FAM117B: variants seen among roughly 807,000 people sequenced by gnomAD.
FAM117B encodes family with sequence similarity 117 member B, also known as protein FAM117B.
In FAM117B, 22 loss-of-function variants were observed where a neutral mutation model predicts 52.8. The ratio of observed to expected loss-of-function variants is 0.42; its 90% CI spans 0.30 to 0.59. The LOEUF (loss-of-function observed/expected upper bound fraction) is 0.59. FAM117B is among the 20% of genes least tolerant of loss of function. The probability of loss-of-function intolerance (pLI) is 0.22; values close to 1 mark genes in which losing one functional copy is unlikely to be tolerated. For synonymous variants in FAM117B, 309 were observed against 324.1 expected (o/e 0.95, Z 0.50); for missense variants, 678 against 802.6 (o/e 0.84, Z 1.88).
At chr2:202,655,759 A>AGT (rs1690046459) in intron 1 of FAM117B, among the ~76,000 whole-genome samples, 2 of 122,120 alleles carry the variant, frequency 1.6e-5, no homozygotes, top group Admixed American at 8.7e-5. Flanking sequence ...AGAGAGAGAG[A>AGT]GAGTGTGTGT....
At chr2:202,729,754 A>G (rs1438311124) in intron 4 of FAM117B, among the ~76,000 whole-genome samples, 2 of 152,204 alleles carry the variant, frequency 1.3e-5, no homozygotes, top group African/African-American at 2.4e-5. Context: ...GGAAAAAGTC[A>G]TGTCCCCAGA....
intron 4 of FAM117B, among the ~76,000 whole-genome samples, chr2:202,751,084 T>C (rs1053938038): frequency 6.6e-6 from 1 of 152,202 alleles, no homozygotes; most frequent in Non-Finnish European, 1.5e-5. Context: ...TCAAAAAATA[T>C]AAGGGCTAAA....
intron 1 of FAM117B, among the ~76,000 whole-genome samples, chr2:202,668,161 TATA>T (rs1322878013): frequency 1.4e-5 from 2 of 142,118 alleles, no homozygotes; most frequent in Non-Finnish European, 3.0e-5. Context: ...TATATAATTA[TATA>T]ATACATACAT....
At chr2:202,640,967 G>GT (rs1689761711) in intron 1 of FAM117B, among the ~76,000 whole-genome samples, 1 of 152,174 alleles carries the variant, frequency 6.6e-6, no homozygotes, top group African/African-American at 2.4e-5. Flanking sequence ...ATGAGACAAA[G>GT]TAGAAACTAT....
intron 4 of FAM117B, among the ~76,000 whole-genome samples, chr2:202,749,333 G>C (rs183638028): frequency 6.6e-6 from 1 of 151,976 alleles, no homozygotes; most frequent in East Asian, 1.9e-4. Context: ...TTGTTTAATA[G>C]AGCATTGATT....
Position 202,755,648 on chromosome 2 carries a change from T to A in FAM117B, c.1071T>A (p.Ile357=), listed in dbSNP as rs1691789712. The part of the protein sequence containing the change: ...EGLNQEIEII[I]KETGEKEEQL... ...TGAATCAGGAGATTGAAATAATAAT[T>A]AAAGAGACTGGGGAAAAGGAAGAGC... is the stretch of plus-strand genomic sequence containing the variant. The change falls in exon 5 of 8, where the codon ATT becomes ATA. Residue 357 remains isoleucine (I), a synonymous_variant. Transcript: ENST00000392238. 2.5e-6 allele frequency: 4 copies of A among 1,613,724 alleles called. No homozygotes were observed. In the South Asian group the frequency reaches 4.4e-5, roughly 18 times the overall value.
intron 1 of FAM117B, among the ~76,000 whole-genome samples, 196 bp downstream of exon 1, chr2:202,635,984 C>A (rs1689679915): frequency 6.7e-6 from 1 of 149,088 alleles, no homozygotes; most frequent in Non-Finnish European, 1.5e-5. Context: ...GCCCCGCCCG[C>A]CCGCCCGCCT....
chr2:202,646,049 TG>T lies in FAM117B; in HGVS notation c.601+10263del, dbSNP rs1453370967. Reference sequence around the variant, plus strand: ...GTTTTTTGTTTTTTTTTTTTTGAGATGGAGTCTTGCTCCGTTGCCCAGGCTG... The same window carrying T: ...GTTTTTTGTTTTTTTTTTTTTGAGATGAGTCTTGCTCCGTTGCCCAGGCTG... On this transcript the variant is annotated intron_variant, in intron 1 of 7. Transcript: ENST00000392238. Among the ~76,000 whole-genome samples, 3 of 132,116 alleles carry T rather than the reference TG, an allele frequency of 2.3e-5. No individual in the cohort carries two copies. In the East Asian group the frequency reaches 9.2e-4, roughly 40 times the overall value. 86.7% of individuals were successfully genotyped at this position (132,116 alleles called of 152,430 possible).
At chr2:202,647,578 A>C (rs1559093589) in intron 1 of FAM117B, among the ~76,000 whole-genome samples, 1 of 152,236 alleles carries the variant, frequency 6.6e-6, no homozygotes, top group Non-Finnish European at 1.5e-5. Flanking sequence ...TGAGAATTTG[A>C]AAACTACAGC....
chr2:202,728,519 G>C (rs1559111061), intron 4 of FAM117B, among the ~76,000 whole-genome samples: 1 of 152,182 alleles, frequency 6.6e-6, no homozygotes, highest in African/African-American at 2.4e-5. Flanking sequence ...AGAGGCTGAA[G>C]ACCCAGATGA....
At chr2:202,672,279 C>T (rs1690310201) in intron 1 of FAM117B, among the ~76,000 whole-genome samples, 1 of 152,222 alleles carries the variant, frequency 6.6e-6, no homozygotes, top group Admixed American at 6.5e-5. Flanking sequence ...GTGGCACGAT[C>T]CCGGCTCACT....
intron 2 of FAM117B, among the ~76,000 whole-genome samples, chr2:202,724,323 G>A (rs536297721): frequency 1.1e-3 from 169 of 152,238 alleles, no homozygotes; most frequent in Non-Finnish European, 2.0e-3. Context: ...GATTACAGGC[G>A]TGAGCCACCG....
At chr2:202,758,409 A>G (rs927277430) in intron 6 of FAM117B, among the ~76,000 whole-genome samples, 1 of 152,182 alleles carries the variant, frequency 6.6e-6, no homozygotes, top group African/African-American at 2.4e-5. Context: ...TACGTCAATA[A>G]CATGTAGAAA....
chr2:202,725,034 T>C, intron 3 of FAM117B, 25 bp downstream of exon 3: 2 of 1,561,128 alleles, frequency 1.3e-6, no homozygotes. Flanking sequence ...TCTAAGATAG[T>C]GGGTGTGGAA....
chr2:202,649,612 C>T (rs1043693075), intron 1 of FAM117B, among the ~76,000 whole-genome samples: 11 of 151,432 alleles, frequency 7.3e-5, no homozygotes, highest in South Asian at 2.1e-4. Context: ...AGTGCAATGG[C>T]GTGATCTCGG....
At chr2:202,664,082 A>G (rs1341414563) in intron 1 of FAM117B, among the ~76,000 whole-genome samples, 1 of 152,256 alleles carries the variant, frequency 6.6e-6, no homozygotes, top group Non-Finnish European at 1.5e-5. Context: ...AACTATTTTT[A>G]TATGCAAATA....
Position 202,724,904 on chromosome 2 carries a change from T to C in FAM117B, c.754-13T>C. 6.3e-7 allele frequency: 1 copy of C among 1,585,524 alleles called. No homozygotes were observed. Among genetic ancestry groups the C allele is most frequent in the Non-Finnish European group, 8.6e-7 (1 of 1,166,114 alleles). Reference sequence around the variant, plus strand: ...TTTTTGTTAAATACACCTCCCCTCTTTTTTCATTACAGACAGAGAGTGCAT... The same window carrying C: ...TTTTTGTTAAATACACCTCCCCTCTCTTTTCATTACAGACAGAGAGTGCAT... On this transcript the variant is annotated splice_polypyrimidine_tract_variant and intron_variant, in intron 2 of 7. Coordinates refer to ENST00000392238, the MANE Select transcript of FAM117B (RefSeq NM_173511.4).
chr2:202,714,869 G>C (rs1254200254), intron 2 of FAM117B, among the ~76,000 whole-genome samples: 1 of 151,642 alleles, frequency 6.6e-6, no homozygotes, highest in Non-Finnish European at 1.5e-5. Context: ...AGATCAACAG[G>C]ATCCCAAGGC....
intron 2 of FAM117B, among the ~76,000 whole-genome samples, chr2:202,698,349 C>T (rs900326168): frequency 4.6e-5 from 7 of 152,164 alleles, no homozygotes; most frequent in Non-Finnish European, 1.0e-4. Flanking sequence ...GGTGTTTATA[C>T]TTTAGTGCAA....
Sources: gnomAD v4.1 joint callset for allele counts (sites outside exome capture counted in the v4.1 genomes callset) on GRCh38, gnomAD v4.1.1 for gene constraint, MANE v1.5 for transcripts, NCBI Gene and HGNC (gene_info 2026-07-23, HGNC 2026-07-21) for gene names.